The following GLT6D1 variants were observed in gnomAD, a reference collection of about 807,000 sequenced individuals.
The protein encoded by GLT6D1 is glycosyltransferase 6 domain containing 1.
Under a neutral mutation model 12.3 loss-of-function variants are expected in GLT6D1, and 9 were observed. That is an observed-to-expected ratio of 0.73 (90% CI 0.44 to 1.27). The LOEUF is 1.27. GLT6D1 is among the 50% of genes most tolerant of loss of function. GLT6D1 has a pLI of 0.00. For synonymous variants in GLT6D1, 128 were observed against 132.3 expected (o/e 0.97, Z 0.23); for missense variants, 335 against 346.2 (o/e 0.97, Z 0.26).
intron 3 of GLT6D1, among the ~76,000 whole-genome samples, chr9:135,629,291 C>T (rs4842014): frequency 6.6e-6 from 1 of 151,956 alleles, no homozygotes; most frequent in Non-Finnish European, 1.5e-5. Flanking sequence ...GTTTTTGCTG[C>T]ATCCCATAAG....
chr9:135,624,060 A>G lies in GLT6D1; in HGVS notation c.*37T>C. On this transcript the variant is annotated 3_prime_UTR_variant, in exon 5 of 5. Transcript: ENST00000371763. ...ACGTATTGGATCTGTGGAGGAGGAG[A>G]AAATGCAAGATCCCAGCTGTATGCT... 7.3e-7 allele frequency: 1 copy of G among 1,365,296 alleles called. No individual in the cohort carries two copies. The highest frequency in any genetic ancestry group is 1.0e-6 in the Non-Finnish European group (1 of 970,274). 84.6% of individuals were successfully genotyped at this position (1,365,296 alleles called of 1,614,324 possible). A position where few individuals can be genotyped will look rare whatever the true frequency, so the allele number is the denominator to read the frequency against.
intron 3 of GLT6D1, among the ~76,000 whole-genome samples, chr9:135,629,150 G>T (rs1302051667): frequency 6.6e-6 from 1 of 151,848 alleles, no homozygotes; most frequent in Non-Finnish European, 1.5e-5. Flanking sequence ...AGTGTATAAA[G>T]TTTAAGACCA....
chr9:135,632,627 G>A (rs939277191), intron 2 of GLT6D1, among the ~76,000 whole-genome samples: 4 of 151,530 alleles, frequency 2.6e-5, no homozygotes, highest in Non-Finnish European at 5.9e-5. Flanking sequence ...GCTGAAGAGG[G>A]TTATTGTAAC....
chr9:135,625,138 G>A (rs753870751), intron 4 of GLT6D1, among the ~76,000 whole-genome samples: 8 of 152,122 alleles, frequency 5.3e-5, no homozygotes, highest in African/African-American at 1.4e-4. Flanking sequence ...ATGTACAAGC[G>A]TGGAGGAGTC....
At chr9:135,632,880 A>G (rs778024855) in intron 2 of GLT6D1, among the ~76,000 whole-genome samples, 32 of 152,000 alleles carry the variant, frequency 2.1e-4, no homozygotes, top group Non-Finnish European at 4.6e-4. Context: ...GTTGGCCAGG[A>G]TGGTCTCCAA....
chr9:135,624,778 G>A (rs1257107732), intron 4 of GLT6D1, 108 bp from the exon 5 acceptor site: 8 of 690,194 alleles, frequency 1.2e-5, no homozygotes, highest in Non-Finnish European at 1.8e-5. Context: ...TGCCCAGGCT[G>A]GAGTGCAGTG....
At chr9:135,638,090 G>A (rs1180738476) in intron 2 of GLT6D1, among the ~76,000 whole-genome samples, 1 of 152,192 alleles carries the variant, frequency 6.6e-6, no homozygotes, top group Non-Finnish European at 1.5e-5. Context: ...CCACATGGCT[G>A]GGGAGGCCTC....
intron 3 of GLT6D1, among the ~76,000 whole-genome samples, chr9:135,630,853 A>T (rs1412881814): frequency 2.0e-5 from 3 of 152,198 alleles, no homozygotes; most frequent in African/African-American, 7.2e-5. Flanking sequence ...AGAAGATAAA[A>T]TGGTACCATT....
chr9:135,625,048 A>G (rs1399002823), intron 4 of GLT6D1, among the ~76,000 whole-genome samples: 1 of 151,930 alleles, frequency 6.6e-6, no homozygotes, highest in African/African-American at 2.4e-5. Context: ...CCCGGCCGAC[A>G]CTTACTTTTC....
chr9:135,639,207 GA>G lies in GLT6D1; in HGVS notation c.-6-15del, dbSNP rs1833843124. ...ATTCATTCTCTCCTAGGGAAAGAAG[GA>G]GAAAAAATTAGATTTTAAGCAATAA... On this transcript the variant is annotated splice_polypyrimidine_tract_variant and intron_variant, in intron 1 of 4. Transcript: ENST00000371763. The G allele has an allele frequency of 1.4e-6, 2 of 1,408,294 alleles. No homozygotes were observed. Among genetic ancestry groups the G allele is most frequent in the Admixed American group, 1.8e-5 (1 of 54,398 alleles). 87.2% of individuals were successfully genotyped at this position (1,408,294 alleles called of 1,614,324 possible).
chr9:135,633,758 A>G (rs1479714474), intron 2 of GLT6D1, among the ~76,000 whole-genome samples: 2 of 152,196 alleles, frequency 1.3e-5, no homozygotes, highest in African/African-American at 4.8e-5. Flanking sequence ...ACCAGTGAAT[A>G]ACTCCTTATT....
intron 2 of GLT6D1, among the ~76,000 whole-genome samples, chr9:135,632,690 CAG>C (rs1210392435): frequency 7.1e-6 from 1 of 140,454 alleles, no homozygotes; most frequent in Non-Finnish European, 1.5e-5. Context: ...TTTTTCGAGA[CAG>C]AGTCTTGCTC....
intron 2 of GLT6D1, among the ~76,000 whole-genome samples, chr9:135,638,071 C>T (rs1330380581): frequency 1.3e-5 from 2 of 152,308 alleles, no homozygotes; most frequent in Non-Finnish European, 2.9e-5. Context: ...TTTAATTGGA[C>T]TTACAGTTCC....
chr9:135,629,295 C>T (rs1240260102), intron 3 of GLT6D1, among the ~76,000 whole-genome samples: 8 of 152,112 alleles, frequency 5.3e-5, no homozygotes, highest in Admixed American at 5.2e-4. Flanking sequence ...TTGCTGCATC[C>T]CATAAGTTTG....
intron 3 of GLT6D1, among the ~76,000 whole-genome samples, chr9:135,627,168 A>G (rs1833541973): frequency 6.6e-6 from 1 of 152,190 alleles, no homozygotes; most frequent in South Asian, 2.1e-4. Context: ...GCAGATTGGG[A>G]AGGAAAAAAA....
At position 135,624,343 on chromosome 9, in the gene GLT6D1, G is replaced by T; in HGVS notation, c.585C>A (p.His195Gln). The T allele has an allele frequency of 3.7e-6, 6 of 1,613,252 alleles. No individual in the cohort carries two copies. Among genetic ancestry groups the T allele is most frequent in the Non-Finnish European group, 5.1e-6 (6 of 1,179,478 alleles). Residue 195 changes from histidine to glutamine, a missense_variant, in exon 5 of 5, where the codon CAC becomes CAA. Transcript: ENST00000371763. ...ETLGPLVAQLHAWWYFRNTKN... is the reference protein window; with the variant it reads ...ETLGPLVAQLQAWWYFRNTKN... ...TGGTGTTTCTGAAATACCACCAGGC[G>T]TGGAGCTGGGCCACCAACGGGCCCA...
At chr9:135,635,954 A>G (rs978510971) in intron 2 of GLT6D1, among the ~76,000 whole-genome samples, 1 of 151,848 alleles carries the variant, frequency 6.6e-6, no homozygotes, top group Admixed American at 6.6e-5. Context: ...ATACATGTAT[A>G]GCAGCAGCAG....
chr9:135,625,952 G>A, intron 4 of GLT6D1, 117 bp downstream of exon 4: 1 of 1,135,292 alleles, frequency 8.8e-7, no homozygotes, highest in South Asian at 1.6e-5. Flanking sequence ...CAGAAATCGT[G>A]GCTATTGTTA....
intron 2 of GLT6D1, among the ~76,000 whole-genome samples, chr9:135,631,896 T>TTTTA (rs929556545): frequency 2.6e-5 from 4 of 152,276 alleles, no homozygotes; most frequent in Middle Eastern, 3.4e-3. Flanking sequence ...TTTGCATTTA[T>TTTTA]TTTATTTATT....
Sources: allele counts gnomAD v4.1 joint callset (sites outside exome capture counted in the v4.1 genomes callset), GRCh38; gene constraint gnomAD v4.1.1; transcripts MANE v1.5; gene names NCBI Gene and HGNC (gene_info 2026-07-23, HGNC 2026-07-21).